Variants in DNAAF11 observed in about 807,000 individuals in gnomAD.
DNAAF11 encodes the protein leucine rich repeat containing 6.
Under a neutral mutation model 60.8 loss-of-function variants are expected in DNAAF11, and 45 were observed. The ratio of observed to expected loss-of-function variants is 0.74; its 90% CI spans 0.58 to 0.95. The LOEUF (loss-of-function observed/expected upper bound fraction) is 0.95, where lower values mean the gene tolerates loss of function less well. DNAAF11 is among the 40% of genes least tolerant of loss of function. The pLI, the probability that DNAAF11 is intolerant of heterozygous loss-of-function variation, is 0.00. For synonymous variants in DNAAF11, 191 were observed against 183.5 expected (o/e 1.04, Z -0.33); for missense variants, 546 against 546.2 (o/e 1.00, Z 0.00).
intron 10 of DNAAF11, among the ~76,000 whole-genome samples, chr8:132,606,631 G>C (rs920792290): frequency 2.6e-5 from 4 of 152,056 alleles, no homozygotes; most frequent in African/African-American, 9.7e-5. Context: ...TTAGCCTCCT[G>C]AGTAGCTGGG....
chr8:132,659,092 C>T (rs1179776455), intron 2 of DNAAF11, among the ~76,000 whole-genome samples: 1 of 152,164 alleles, frequency 6.6e-6, no homozygotes, highest in Non-Finnish European at 1.5e-5. Flanking sequence ...AGGGTTGATT[C>T]CAGGAGCCCA....
the DNAAF11 span, among the ~76,000 whole-genome samples, chr8:132,687,883 T>C: frequency 1.3e-5 from 2 of 152,192 alleles, no homozygotes; most frequent in Admixed American, 6.5e-5. Context: ...ATGGTTTTCT[T>C]AGCTTTCTTG....
At chr8:132,579,161 A>G (rs1444771357) in intron 11 of DNAAF11, among the ~76,000 whole-genome samples, 1 of 152,304 alleles carries the variant, frequency 6.6e-6, no homozygotes, top group South Asian at 2.1e-4. Flanking sequence ...GCACATGCCA[A>G]TGTTCCCTGG....
intron 11 of DNAAF11, among the ~76,000 whole-genome samples, chr8:132,581,630 C>G (rs995704534): frequency 1.4e-5 from 2 of 141,938 alleles, no homozygotes; most frequent in African/African-American, 2.6e-5. Context: ...AGCCTCTTGC[C>G]ACTGCACTTG....
chr8:132,660,077 C>G (rs752413017), intron 2 of DNAAF11, among the ~76,000 whole-genome samples: 28 of 152,216 alleles, frequency 1.8e-4, no homozygotes, highest in Non-Finnish European at 4.4e-5. Flanking sequence ...ACTCTGCCTC[C>G]TCAGCCCTGA....
At chr8:132,616,084 G>T (rs1484662574) in intron 7 of DNAAF11, among the ~76,000 whole-genome samples, 1 of 151,972 alleles carries the variant, frequency 6.6e-6, no homozygotes, top group East Asian at 1.9e-4. Flanking sequence ...CTTATTACTT[G>T]TAAAGTAATT....
intron 1 of DNAAF11, among the ~76,000 whole-genome samples, chr8:132,670,781 T>G (rs959569414): frequency 3.3e-5 from 5 of 152,154 alleles, no homozygotes; most frequent in African/African-American, 1.2e-4. Context: ...GGGGGAGTTA[T>G]CCAATGTATA....
the DNAAF11 span, among the ~76,000 whole-genome samples, chr8:132,688,813 A>T: frequency 6.6e-6 from 1 of 152,144 alleles, no homozygotes; most frequent in South Asian, 2.1e-4. Flanking sequence ...CCTTCCCTTA[A>T]ATTAGTTTGA....
chr8:132,598,860 A>G (rs1285841244), intron 10 of DNAAF11, among the ~76,000 whole-genome samples: 1 of 152,250 alleles, frequency 6.6e-6, no homozygotes, highest in East Asian at 1.9e-4. Flanking sequence ...CACAATTAAA[A>G]GAACTAGAGA....
intron 10 of DNAAF11, among the ~76,000 whole-genome samples, chr8:132,593,090 A>T (rs1217993450): frequency 1.3e-5 from 2 of 151,886 alleles, no homozygotes; most frequent in Non-Finnish European, 2.9e-5. Flanking sequence ...AGGAAGATGT[A>T]CTTACAAAAA....
intron 11 of DNAAF11, among the ~76,000 whole-genome samples, chr8:132,577,520 G>A (rs768899250): frequency 1.2e-4 from 18 of 152,062 alleles, no homozygotes; most frequent in Non-Finnish European, 2.2e-4. Context: ...ATAACCTAAC[G>A]TAAATTTTTA....
At chr8:132,610,324 A>G in intron 9 of DNAAF11, 63 bp from the exon 10 acceptor site, 1 of 1,042,072 alleles carries the variant, frequency 9.6e-7, no homozygotes, top group Non-Finnish European at 1.5e-6. Flanking sequence ...GGGTTACTAA[A>G]AGGGGCATTT....
chr8:132,581,983 C>T (rs1815389680), intron 11 of DNAAF11, among the ~76,000 whole-genome samples: 2 of 152,160 alleles, frequency 1.3e-5, no homozygotes, highest in South Asian at 4.1e-4. Context: ...AGTTGCTCCT[C>T]CCCCTCCATT....
chr8:132,623,608 T>C (rs1035779252), intron 6 of DNAAF11, among the ~76,000 whole-genome samples: 5 of 152,146 alleles, frequency 3.3e-5, no homozygotes, highest in Non-Finnish European at 7.4e-5. Flanking sequence ...AATAGGCAAA[T>C]ATGGACAATA....
intron 10 of DNAAF11, among the ~76,000 whole-genome samples, chr8:132,587,600 C>G (rs1386993253): frequency 6.6e-6 from 1 of 152,110 alleles, no homozygotes; most frequent in Non-Finnish European, 1.5e-5. Flanking sequence ...TATCAAACAT[C>G]GTCTTATTCA....
At chr8:132,668,597 C>G (rs571920005) in intron 1 of DNAAF11, among the ~76,000 whole-genome samples, 1 of 152,076 alleles carries the variant, frequency 6.6e-6, no homozygotes, top group Non-Finnish European at 1.5e-5. Flanking sequence ...TGCCACCACG[C>G]CTGGCTAATT....
chr8:132,588,149 A>G (rs1192453005), intron 10 of DNAAF11, among the ~76,000 whole-genome samples: 2 of 152,214 alleles, frequency 1.3e-5, no homozygotes, highest in African/African-American at 4.8e-5. Flanking sequence ...CATAAAAAAT[A>G]ATTTCTTATG....
At chr8:132,587,622 T>C (rs538671960) in intron 10 of DNAAF11, among the ~76,000 whole-genome samples, 1 of 152,296 alleles carries the variant, frequency 6.6e-6, no homozygotes, top group South Asian at 2.1e-4. Flanking sequence ...TTGTGCTAAA[T>C]GTGTTTAGGA....
At chr8:132,675,696 C>A, upstream of DNAAF11, 2 of 463,186 alleles carry the variant, frequency 4.3e-6, no homozygotes. Context: ...AGTGAAGGGG[C>A]TCAGCAGACA....
Sources: gnomAD v4.1 joint callset for allele counts (sites outside exome capture counted in the v4.1 genomes callset) on GRCh38, gnomAD v4.1.1 for gene constraint, MANE v1.5 for transcripts, NCBI Gene and HGNC (gene_info 2026-07-23, HGNC 2026-07-21) for gene names.